The following URGCP variants were observed in gnomAD, a reference collection of about 807,000 sequenced individuals.
URGCP encodes up-regulator of cell proliferation.
URGCP carries 13 observed loss-of-function variants against 24.6 expected under a neutral mutation model. The ratio of observed to expected loss-of-function variants is 0.53; its 90% CI spans 0.34 to 0.84. The LOEUF is 0.84. URGCP is among the 40% of genes least tolerant of loss of function. The pLI is 0.01. For synonymous variants in URGCP, 444 were observed against 487.2 expected (o/e 0.91, Z 1.17); for missense variants, 899 against 1,194.3 (o/e 0.75, Z 3.64).
In URGCP at chr7:43,918,262, CAAAA is replaced by C. The variant is rs757829729; in HGVS notation, c.-116+7866_-116+7869del. 4.3e-4 allele frequency among the ~76,000 whole-genome samples: 24 copies of C among 55,232 alleles called. No individual in the cohort carries two copies. The Admixed American group carries it at 4.6e-3, about 11-fold the overall frequency. 36.2% of individuals were successfully genotyped at this position (55,232 alleles called of 152,430 possible). On this transcript the variant is annotated intron_variant, in intron 1 of 5. Transcript: ENST00000426198. ...GCACTCCAGCCTGGGCAATAGACCTCAAAAAAAAAAAAAAAAAAAGAAAGAAAAA... is the reference window on the plus strand; with the variant it reads ...GCACTCCAGCCTGGGCAATAGACCTCAAAAAAAAAAAAAAAGAAAGAAAAA...
rs2095850430 is a variant in URGCP, at chr7:43,879,266, G to A, written c.203-6C>T. The A allele has an allele frequency of 5.0e-6, 8 of 1,599,548 alleles. No individual in the cohort carries two copies. Among genetic ancestry groups the A allele is most frequent in the South Asian group, 1.1e-5 (1 of 89,584 alleles). On this transcript the variant is annotated splice_region_variant and splice_polypyrimidine_tract_variant and intron_variant, in intron 5 of 5. Transcript: ENST00000453200. Reference sequence around the variant, plus strand: ...TTGAAGCCTGCTTCTCTCCACTGTGGAAAGAAATGAAGACATAAGTGCTCA... The same window carrying A: ...TTGAAGCCTGCTTCTCTCCACTGTGAAAAGAAATGAAGACATAAGTGCTCA...
At chr7:43,893,649 T>C (rs1230110702) in intron 1 of URGCP, among the ~76,000 whole-genome samples, 2 of 152,188 alleles carry the variant, frequency 1.3e-5, no homozygotes, top group Admixed American at 6.5e-5. Flanking sequence ...GGTGGGAGGA[T>C]CACTTGAGGT....
intron 1 of URGCP, chr7:43,889,673 T>C (rs1044365892): frequency 6.6e-6 from 1 of 152,224 alleles, no homozygotes; most frequent in African/African-American, 2.4e-5. Context: ...CTTAATCTAC[T>C]CCCATTGCTC....
chr7:43,879,135 C>A lies in URGCP; in HGVS notation c.328G>T (p.Val110Phe). The A allele has an allele frequency of 1.2e-6, 2 of 1,614,168 alleles. No homozygotes were observed. Among genetic ancestry groups the A allele is most frequent in the Non-Finnish European group, 1.7e-6 (2 of 1,180,032 alleles). ...FDSMKNWAPQ[V>F]PKDLPWNFLR... ...AAATTCCAGGGCAAGTCTTTGGGAA[C>A]CTGAGGGGCCCAGTTCTTCATACTG... Residue 110 changes from valine (V) to phenylalanine (F), a missense_variant, in exon 6 of 6, where the codon GTT becomes TTT. Coordinates refer to ENST00000453200, the MANE Select transcript of URGCP (RefSeq NM_001077663.3).
At chr7:43,889,508 T>C (rs2095867176) in intron 1 of URGCP, 1 of 152,262 alleles carries the variant, frequency 6.6e-6, no homozygotes, top group Non-Finnish European at 1.5e-5. Context: ...AAGGGAGCTC[T>C]CTGCAGTGCA....
intron 1 of URGCP, among the ~76,000 whole-genome samples, chr7:43,923,133 A>C (rs2095924454): frequency 6.6e-6 from 1 of 151,708 alleles, no homozygotes. Context: ...ACAGGCATGC[A>C]CCACCATGCC....
intron 1 of URGCP, among the ~76,000 whole-genome samples, chr7:43,920,639 A>G (rs2095921249): frequency 6.6e-6 from 1 of 151,992 alleles, no homozygotes; most frequent in South Asian, 2.1e-4. Flanking sequence ...CTGGAAAAAG[A>G]TTTTTTTCTC....
In URGCP at chr7:43,878,374, G is replaced by A. The variant is rs1257912265; in HGVS notation, c.1089C>T (p.Asp363=). The change falls in exon 6 of 6, where the codon GAC becomes GAT. Residue 363 remains aspartate, a synonymous_variant. Coordinates refer to ENST00000453200, the MANE Select transcript of URGCP (RefSeq NM_001077663.3). This position sits in a 1 kb window ranked among gnomAD's most constrained non-coding sequence, Gnocchi z 5.6. Reference sequence around the variant, plus strand: ...ATTTGTATTCCTTCTTACTGATATTGTCAGTCAATATAAACACAGCGGAGG... The same window carrying A: ...ATTTGTATTCCTTCTTACTGATATTATCAGTCAATATAAACACAGCGGAGG... ...EISSAVFILT[D]NISKKEYKLL... 6.2e-7 allele frequency: 1 copy of A among 1,614,174 alleles called. No individual in the cohort carries two copies. Among genetic ancestry groups the A allele is most frequent in the African/African-American group, 1.3e-5 (1 of 75,030 alleles).
intron 3 of URGCP, among the ~76,000 whole-genome samples, chr7:43,883,263 C>T (rs1333431386): frequency 6.8e-6 from 1 of 146,578 alleles, no homozygotes; most frequent in Non-Finnish European, 1.5e-5. Context: ...CATGTTTTGA[C>T]TATTTTGACT....
At position 43,920,933 on chromosome 7, in the gene URGCP, T is replaced by A. The variant is rs143034973; in HGVS notation, c.-116+5199A>T. On this transcript the variant is annotated intron_variant, in intron 1 of 5. Transcript: ENST00000426198. ...CTTAAAGGGCCCCACTCGAGGCCAA[T>A]AGTCCAATTAGGAGATTGGTGAACA... 5.5e-4 allele frequency among the ~76,000 whole-genome samples: 83 copies of A among 152,286 alleles called. 1 individual carries two copies. The East Asian group carries it at 0.012, about 23-fold the overall frequency.
chr7:43,912,997 T>C (rs1406675516), intron 1 of URGCP, among the ~76,000 whole-genome samples: 1 of 151,464 alleles, frequency 6.6e-6, no homozygotes, highest in Non-Finnish European at 1.5e-5. Context: ...ATTACAGCCA[T>C]GCGCCACCAT....
intron 1 of URGCP, among the ~76,000 whole-genome samples, chr7:43,900,662 C>T (rs1266500944): frequency 6.6e-6 from 1 of 152,018 alleles, no homozygotes; most frequent in Non-Finnish European, 1.5e-5. Context: ...TTATGGCTCA[C>T]CGCTGCCTCA....
Position 43,877,821 on chromosome 7 carries a change from C to T in URGCP, c.1642G>A (p.Val548Met), listed in dbSNP as rs763232824. Reference protein sequence around the residue: ...QQNGHDPSSGVQEFISGISSP... With the variant: ...QQNGHDPSSGMQEFISGISSP... ...CTGATCCCCGAGATGAACTCCTGCA[C>T]CCCCGAGGAGGGATCATGGCCGTTC... Residue 548 changes from valine (V) to methionine (M), a missense_variant, in exon 6 of 6, where the codon GTG (valine) becomes ATG (methionine). Coordinates refer to ENST00000453200, the MANE Select transcript of URGCP (RefSeq NM_001077663.3). 1 of 1,607,206 alleles carries T rather than the reference C, an allele frequency of 6.2e-7. No individual in the cohort carries two copies. The highest frequency in any genetic ancestry group is 8.5e-7 in the Non-Finnish European group (1 of 1,176,518).
At chr7:43,884,297 C>A (rs2095858910) in intron 3 of URGCP, among the ~76,000 whole-genome samples, 1 of 152,108 alleles carries the variant, frequency 6.6e-6, no homozygotes, top group Non-Finnish European at 1.5e-5. Context: ...GGGCTCCAGG[C>A]AAAGACACAA....
At chr7:43,904,624 C>T (rs1263047847) in intron 1 of URGCP, among the ~76,000 whole-genome samples, 1 of 152,212 alleles carries the variant, frequency 6.6e-6, no homozygotes, top group East Asian at 1.9e-4. Context: ...GGAGCTATGT[C>T]TGCCAGTGTA....
At chr7:43,880,770 T>A (rs996306596) in intron 5 of URGCP, among the ~76,000 whole-genome samples, 1 of 152,258 alleles carries the variant, frequency 6.6e-6, no homozygotes, top group African/African-American at 2.4e-5. Flanking sequence ...CAAATTCCAC[T>A]GCCCTGCAGC....
chr7:43,897,651 G>A (rs977855976), intron 1 of URGCP, among the ~76,000 whole-genome samples: 2 of 152,286 alleles, frequency 1.3e-5, no homozygotes, highest in Middle Eastern at 6.8e-3. Context: ...TAGAGGATGG[G>A]GTAGCCATGA....
Position 43,876,693 on chromosome 7 carries a change from G to C in URGCP, c.2770C>G (p.Leu924Val). The change falls in exon 6 of 6, where the codon CTC becomes GTC. Residue 924 changes from leucine to valine, a missense_variant. Physicochemically the swap from Leu to Val is conservative, Grantham distance 32. Transcript: ENST00000453200. ...CACAGCCGTCTCACCAGCTCAATGA[G>C]CTGCTGGATGTTTTTGTTTTGGTTC... ...LSNQNKNIQQLIELVRRL is the reference protein window; with the variant it reads ...LSNQNKNIQQVIELVRRL 1.2e-6 allele frequency: 2 copies of C among 1,614,202 alleles called. No individual in the cohort carries two copies. Among genetic ancestry groups the C allele is most frequent in the South Asian group, 2.2e-5 (2 of 91,088 alleles).
chr7:43,891,723 C>T (rs1230641069), intron 1 of URGCP, among the ~76,000 whole-genome samples: 1 of 152,180 alleles, frequency 6.6e-6, no homozygotes, highest in South Asian at 2.1e-4. Context: ...ACTTGTGATT[C>T]TTATGCCTCA....
Sources: gnomAD v4.1 joint callset for allele counts (sites outside exome capture counted in the v4.1 genomes callset) on GRCh38, gnomAD v4.1.1 for gene constraint, Gnocchi (gnomAD v3.1) non-coding constraint, MANE v1.5 for transcripts, NCBI Gene and HGNC (gene_info 2026-07-23, HGNC 2026-07-21) for gene names.